The following KSR2 variants were observed in gnomAD, a reference collection of about 807,000 sequenced individuals.
KSR2 encodes the protein kinase suppressor of ras 2.
In KSR2, 25 loss-of-function variants were observed where a neutral mutation model predicts 107.8. The ratio of observed to expected loss-of-function variants is 0.23; its 90% CI spans 0.17 to 0.32. The LOEUF (loss-of-function observed/expected upper bound fraction) is 0.32, where lower values mean the gene tolerates loss of function less well. Ranked by LOEUF, KSR2 falls within the 10% of genes least tolerant of loss-of-function variation. The pLI is 1.00. For synonymous variants in KSR2, 480 were observed against 507.0 expected, an observed-to-expected ratio of 0.95 and a Z score of 0.71; for missense variants, 887 against 1,268.9, an observed-to-expected ratio of 0.70 and a Z score of 4.57.
At chr12:117,889,158 C>T (rs777105363) in intron 1 of KSR2, among the ~76,000 whole-genome samples, 17 of 152,214 alleles carry the variant, frequency 1.1e-4, no homozygotes, top group Non-Finnish European at 1.6e-4. Flanking sequence ...ACTCCAAGGA[C>T]GGTGTGCCCC....
intron 1 of KSR2, among the ~76,000 whole-genome samples, chr12:117,873,216 A>G (rs1893707605): frequency 6.6e-6 from 1 of 151,924 alleles, no homozygotes; most frequent in Admixed American, 6.6e-5. Flanking sequence ...ATGGTGGCGC[A>G]TGCCTGTAAT....
chr12:117,588,370 A>T (rs964666091), intron 5 of KSR2, among the ~76,000 whole-genome samples: 1 of 152,208 alleles, frequency 6.6e-6, no homozygotes, highest in African/African-American at 2.4e-5. Context: ...AAGAAGGCAA[A>T]GCCAGTTTTA....
At chr12:117,852,549 C>CA (rs1392755608) in intron 3 of KSR2, among the ~76,000 whole-genome samples, 3 of 152,034 alleles carry the variant, frequency 2.0e-5, no homozygotes, top group Admixed American at 6.6e-5. Flanking sequence ...TAGAATGTCA[C>CA]AAAAAAATAA....
intron 1 of KSR2, among the ~76,000 whole-genome samples, chr12:117,957,031 T>C (rs1896537464): frequency 6.6e-6 from 1 of 152,256 alleles, no homozygotes; most frequent in Non-Finnish European, 1.5e-5. Flanking sequence ...GAAAGCATTT[T>C]AGAGACAGAT....
At chr12:117,576,407 A>G (rs1246753995) in intron 7 of KSR2, among the ~76,000 whole-genome samples, 2 of 152,158 alleles carry the variant, frequency 1.3e-5, no homozygotes, top group Non-Finnish European at 2.9e-5. Flanking sequence ...CAGAAAGACC[A>G]CCTGAGAGCC....
At chr12:117,631,213 A>T (rs148151781) in intron 5 of KSR2, among the ~76,000 whole-genome samples, 1 of 152,262 alleles carries the variant, frequency 6.6e-6, no homozygotes, top group East Asian at 1.9e-4. Flanking sequence ...AAATGGGAGG[A>T]TCACTTGAGC....
chr12:117,553,400 A>C (rs1877443901), intron 9 of KSR2, among the ~76,000 whole-genome samples: 1 of 152,174 alleles, frequency 6.6e-6, no homozygotes, highest in Non-Finnish European at 1.5e-5. Flanking sequence ...GTCGAAAGCT[A>C]TTGGACGGTT....
chr12:117,904,487 G>A (rs912108044), intron 1 of KSR2, among the ~76,000 whole-genome samples: 19 of 152,096 alleles, frequency 1.2e-4, no homozygotes, highest in Admixed American at 2.6e-4. Context: ...GCAGACGGTC[G>A]TTAAGAAACT....
chr12:117,768,934 A>C (rs192416025), intron 3 of KSR2, among the ~76,000 whole-genome samples: 127 of 152,342 alleles, frequency 8.3e-4, no homozygotes, highest in Non-Finnish European at 1.4e-3. Flanking sequence ...TAACCAGGAC[A>C]TTAAGTCCAG....
intron 4 of KSR2, among the ~76,000 whole-genome samples, chr12:117,682,670 A>T (rs1184353811): frequency 6.6e-6 from 1 of 152,136 alleles, no homozygotes; most frequent in Non-Finnish European, 1.5e-5. Context: ...CCGCTGCCTC[A>T]GCCTCCCAAA....
chr12:117,784,130 T>A (rs906166754), intron 3 of KSR2, among the ~76,000 whole-genome samples: 6 of 152,206 alleles, frequency 3.9e-5, no homozygotes, highest in Admixed American at 6.5e-5. Context: ...GTTTGGGGTA[T>A]GAATAATCCC....
intron 14 of KSR2, among the ~76,000 whole-genome samples, chr12:117,501,854 T>C (rs1045442417): frequency 6.6e-6 from 1 of 152,228 alleles, no homozygotes; most frequent in Non-Finnish European, 1.5e-5. Flanking sequence ...TGCCTCTTCC[T>C]TTCCCTAATT....
chr12:117,793,596 T>C (rs528033419), intron 3 of KSR2, among the ~76,000 whole-genome samples: 29 of 94,186 alleles, frequency 3.1e-4, no homozygotes, highest in Admixed American at 7.5e-4. Flanking sequence ...TATGCACACA[T>C]ACACCAACAT....
chr12:117,647,466 C>T (rs1459752030), intron 5 of KSR2, among the ~76,000 whole-genome samples: 1 of 152,096 alleles, frequency 6.6e-6, no homozygotes, highest in Non-Finnish European at 1.5e-5. Flanking sequence ...GCCCAGGGTG[C>T]CATGGGTGGG....
chr12:117,707,199 A>G (rs186578424), intron 4 of KSR2, among the ~76,000 whole-genome samples: 1 of 152,338 alleles, frequency 6.6e-6, no homozygotes, highest in East Asian at 1.9e-4. Flanking sequence ...CAGAGACAGC[A>G]GATTAGAGAT....
At chr12:117,796,558 C>T (rs1566020486) in intron 3 of KSR2, among the ~76,000 whole-genome samples, 3 of 152,276 alleles carry the variant, frequency 2.0e-5, no homozygotes, top group East Asian at 1.9e-4. Flanking sequence ...GCGAAGACTG[C>T]GGACTTCACA....
At chr12:117,467,269 T>C (rs1323587353) in intron 19 of KSR2, 64 bp from the exon 20 acceptor site, 7 of 663,324 alleles carry the variant, frequency 1.1e-5, no homozygotes, top group Non-Finnish European at 1.9e-5. Flanking sequence ...TGTCATCCGT[T>C]GTGAATGACA....
chr12:117,624,838 A>G (rs879191029), intron 5 of KSR2, among the ~76,000 whole-genome samples: 10 of 152,218 alleles, frequency 6.6e-5, no homozygotes, highest in African/African-American at 2.4e-4. Flanking sequence ...ATCCATGAGC[A>G]TGGAATATTC....
intron 3 of KSR2, among the ~76,000 whole-genome samples, chr12:117,781,427 G>A (rs969828173): frequency 7.2e-5 from 11 of 152,206 alleles, no homozygotes; most frequent in Admixed American, 7.2e-4. Context: ...GCTCAGAGTG[G>A]CAGAGGAGGT....
Sources: gnomAD v4.1 joint callset for allele counts (sites outside exome capture counted in the v4.1 genomes callset) on GRCh38, gnomAD v4.1.1 for gene constraint, MANE v1.5 for transcripts, NCBI Gene and HGNC (gene_info 2026-07-23, HGNC 2026-07-21) for gene names.